AKR1E2: variants seen among roughly 807,000 people sequenced by gnomAD.
The protein encoded by AKR1E2 is 1,5-anhydro-D-fructose reductase.
In AKR1E2, 43 loss-of-function variants were observed where a neutral mutation model predicts 41.9. That is an observed-to-expected ratio of 1.03 (90% CI 0.80 to 1.32). The LOEUF (loss-of-function observed/expected upper bound fraction) is 1.32. AKR1E2 is among the 40% of genes most tolerant of loss of function. The probability of loss-of-function intolerance (pLI) is 0.00; values close to 1 mark genes in which losing one functional copy is unlikely to be tolerated. For missense variants in AKR1E2, 423 were observed against 396.5 expected (o/e 1.07, Z -0.57); for synonymous variants, 121 against 138.9 (o/e 0.87, Z 0.91).
chr10:4,872,756 A>C, the AKR1E2 span, among the ~76,000 whole-genome samples: 1 of 152,224 alleles, frequency 6.6e-6, no homozygotes, highest in Non-Finnish European at 1.5e-5. Context: ...GGTAAAGATA[A>C]AATAAGCTAA....
At chr10:4,850,616 CTGT>C (rs1014001337), downstream of AKR1E2, among the ~76,000 whole-genome samples, 2 of 152,192 alleles carry the variant, frequency 1.3e-5, no homozygotes, top group Non-Finnish European at 2.9e-5. Context: ...TGGTCTGCCC[CTGT>C]TGTTGTTACA....
At chr10:4,865,050 T>C in the AKR1E2 span, among the ~76,000 whole-genome samples, 1 of 152,204 alleles carries the variant, frequency 6.6e-6, no homozygotes, top group Non-Finnish European at 1.5e-5. Context: ...TGAATATTTG[T>C]TATTTGGCCT....
intron 5 of AKR1E2, among the ~76,000 whole-genome samples, chr10:4,838,098 C>T (rs1833580607): frequency 6.6e-6 from 1 of 152,174 alleles, no homozygotes; most frequent in Non-Finnish European, 1.5e-5. Flanking sequence ...TTATACAGTA[C>T]TTAAGCTTTT....
At chr10:4,872,438 T>C in the AKR1E2 span, among the ~76,000 whole-genome samples, 3 of 152,198 alleles carry the variant, frequency 2.0e-5, no homozygotes. Context: ...ATACAGTGGT[T>C]AGAAGATGAA....
At chr10:4,853,950 A>C in the AKR1E2 span, among the ~76,000 whole-genome samples, 1 of 152,198 alleles carries the variant, frequency 6.6e-6, no homozygotes, top group Admixed American at 6.5e-5. Context: ...GCTACCCTAT[A>C]GGGTCTAAAA....
the AKR1E2 span, among the ~76,000 whole-genome samples, chr10:4,872,669 T>C: frequency 1.3e-5 from 2 of 152,180 alleles, no homozygotes; most frequent in Non-Finnish European, 2.9e-5. Context: ...CAATATGTAT[T>C]GAGTACCCAG....
chr10:4,837,410 C>T, intron 4 of AKR1E2, 49 bp from the exon 5 acceptor site: 1 of 1,596,798 alleles, frequency 6.3e-7, no homozygotes. Flanking sequence ...CGTAGATTGT[C>T]AGTGCAGTAG....
Position 4,844,913 on chromosome 10 carries a change from G to T in AKR1E2, c.838-2235G>T, listed in dbSNP as rs564579241. On this transcript the variant is annotated intron_variant, in intron 8 of 9. Coordinates refer to ENST00000298375, the MANE Select transcript of AKR1E2 (RefSeq NM_001040177.3). ...GCCTGCCAGTCCCGGGCGGTGTGCC[G>T]GCACTCCTCAGCCCTTGGGTGGTCT... Among the ~76,000 whole-genome samples the T allele has an allele frequency of 6.6e-5, 10 of 152,308 alleles. 1 individual carries two copies. In the South Asian group the frequency reaches 2.1e-3, roughly 32 times the overall value.
chr10:4,852,050 C>T (rs141661055), downstream of AKR1E2, among the ~76,000 whole-genome samples: 15 of 152,118 alleles, frequency 9.9e-5, no homozygotes, highest in Admixed American at 2.0e-4. Context: ...GCAGTATTGA[C>T]GAGTATTTGG....
chr10:4,840,601 C>T (rs1833799724), intron 6 of AKR1E2, among the ~76,000 whole-genome samples: 1 of 152,228 alleles, frequency 6.6e-6, no homozygotes, highest in Admixed American at 6.5e-5. Context: ...TGCCTCTGGC[C>T]TCATTCCTTC....
chr10:4,830,798 A>G lies in AKR1E2; in HGVS notation c.163A>G (p.Lys55Glu). 1 of 1,614,164 alleles carries G rather than the reference A, an allele frequency of 6.2e-7. No individual in the cohort carries two copies. Among genetic ancestry groups the G allele is most frequent in the Non-Finnish European group, 8.5e-7 (1 of 1,180,014 alleles). Residue 55 changes from lysine (K) to glutamate (E), a missense_variant, in exon 2 of 10, where the codon AAG becomes GAG. By Grantham distance (56) the Lys-to-Glu change is moderately conservative (BLOSUM62 1). Coordinates refer to ENST00000298375, the MANE Select transcript of AKR1E2 (RefSeq NM_001040177.3). ...TGGAGCAGGGATCCGTTGCAAGATC[A>G]AGGAAGGCGCTGTAAGACGGGAGGA... ...EVGAGIRCKI[K>E]EGAVRREDLF...
chr10:4,848,636 C>T (rs1356441376), downstream of AKR1E2, among the ~76,000 whole-genome samples: 1 of 152,232 alleles, frequency 6.6e-6, no homozygotes, highest in African/African-American at 2.4e-5. Context: ...AAACAAGCCT[C>T]TCATTTCCTC....
In AKR1E2 at chr10:4,847,476, T is replaced by C. The variant is rs1179022796; in HGVS notation, c.921-12T>C. The C allele has an allele frequency of 4.3e-6, 7 of 1,610,822 alleles. No homozygotes were observed. Among genetic ancestry groups the C allele is most frequent in the African/African-American group, 1.3e-5 (1 of 74,806 alleles). The stretch of plus-strand genomic sequence containing the variant: ...TTTGTTCCTATTTTTGATTTGTTTT[T>C]CTGTTTTTCAGAACTAAAAATCACA... On this transcript the variant is annotated splice_polypyrimidine_tract_variant and intron_variant, in intron 9 of 9. Transcript: ENST00000298375.
chr10:4,847,174 C>A lies in AKR1E2; in HGVS notation c.864C>A (p.His288Gln). Residue 288 changes from histidine to glutamine, a missense_variant, in exon 9 of 10, where the codon CAC becomes CAA. By Grantham distance (24) the His-to-Gln change is conservative. Coordinates refer to ENST00000298375, the MANE Select transcript of AKR1E2 (RefSeq NM_001040177.3). ...TGTTTGATTTTGAATTAACACAGCA[C>A]GATATGGATAACATCCTCAGCCTAA... ...IQVFDFELTQ[H>Q]DMDNILSLNR... 1 of 1,614,148 alleles carries A rather than the reference C, an allele frequency of 6.2e-7. No individual in the cohort carries two copies. Among genetic ancestry groups the A allele is most frequent in the Non-Finnish European group, 8.5e-7 (1 of 1,180,020 alleles).
In AKR1E2 at chr10:4,834,003, T is replaced by C. The variant is rs554496712; in HGVS notation, c.324+537T>C. Among the ~76,000 whole-genome samples the C allele has an allele frequency of 6.6e-5, 10 of 152,360 alleles. No individual in the cohort carries two copies. The East Asian group carries it at 1.9e-3, about 29-fold the overall frequency. ...GGAGCATGCATCTGAGCCATGGCTC[T>C]GTCACTAAGCTACCCCAGTCTGGCC... On this transcript the variant is annotated intron_variant, in intron 3 of 9. Coordinates refer to ENST00000298375, the MANE Select transcript of AKR1E2 (RefSeq NM_001040177.3).
the AKR1E2 span, among the ~76,000 whole-genome samples, chr10:4,861,635 C>G: frequency 6.6e-6 from 1 of 152,044 alleles, no homozygotes; most frequent in Admixed American, 6.6e-5. Flanking sequence ...TCCCAAAGTG[C>G]TAGGATTACA....
At chr10:4,861,583 G>A in the AKR1E2 span, among the ~76,000 whole-genome samples, 1 of 152,020 alleles carries the variant, frequency 6.6e-6, no homozygotes, top group Non-Finnish European at 1.5e-5. Context: ...TGGCCAGGCT[G>A]GTCTCAAACT....
At chr10:4,864,700 C>G in the AKR1E2 span, among the ~76,000 whole-genome samples, 1 of 152,100 alleles carries the variant, frequency 6.6e-6, no homozygotes, top group Non-Finnish European at 1.5e-5. Flanking sequence ...GATTGTATAT[C>G]TAGAAAACCC....
At chr10:4,867,201 G>A in the AKR1E2 span, among the ~76,000 whole-genome samples, 1 of 152,228 alleles carries the variant, frequency 6.6e-6, no homozygotes, top group Non-Finnish European at 1.5e-5. Flanking sequence ...AGTCAGTTAA[G>A]TTAGATCTCT....
Sources: allele counts gnomAD v4.1 joint callset (sites outside exome capture counted in the v4.1 genomes callset), GRCh38; gene constraint gnomAD v4.1.1; transcripts MANE v1.5; gene names NCBI Gene and HGNC (gene_info 2026-07-23, HGNC 2026-07-21).